WAPL: variants seen among roughly 807,000 people sequenced by gnomAD.
WAPL encodes the protein WAPL cohesin release factor.
In WAPL, 5 loss-of-function variants were observed where a neutral mutation model predicts 121.0. The ratio of observed to expected loss-of-function variants is 0.04; its 90% CI spans 0.02 to 0.09. WAPL has a LOEUF of 0.09. WAPL is among the 10% of genes least tolerant of loss of function. The pLI, the probability that WAPL is intolerant of heterozygous loss-of-function variation, is 1.00. For synonymous variants in WAPL, 480 were observed against 481.5 expected (o/e 1.00, Z 0.04); for missense variants, 999 against 1,410.8 (o/e 0.71, Z 4.68).
Position 86,517,956 on chromosome 10 carries a change from G to C in WAPL, c.114C>G (p.Thr38=). 6.2e-7 allele frequency: 1 copy of C among 1,614,136 alleles called. No individual in the cohort carries two copies. The highest frequency in any genetic ancestry group is 8.5e-7 in the Non-Finnish European group (1 of 1,180,024). Residue 38 remains threonine (T), a synonymous_variant, in exon 2 of 19, where the codon ACC becomes ACG. Coordinates refer to ENST00000298767, the MANE Select transcript of WAPL (RefSeq NM_015045.5). ...RTTLSTKWGE[T]TFMAKLGQKR... ...TCTGCCCTAATTTAGCCATAAATGT[G>C]GTCTCTCCCCATTTTGTGCTAAGGG...
At chr10:86,479,327 G>A (rs1301389424) in intron 4 of WAPL, among the ~76,000 whole-genome samples, 1 of 152,018 alleles carries the variant, frequency 6.6e-6, no homozygotes, top group Non-Finnish European at 1.5e-5. Flanking sequence ...GTGTGATTTC[G>A]GCTCACTGTA....
intron 4 of WAPL, among the ~76,000 whole-genome samples, chr10:86,483,215 G>GT (rs1261330531): frequency 1.3e-5 from 2 of 152,138 alleles, no homozygotes; most frequent in African/African-American, 4.8e-5. Context: ...GAGGTCGGGA[G>GT]TTTGAGACCA....
chr10:86,468,708 A>C (rs897043309), intron 8 of WAPL, among the ~76,000 whole-genome samples: 20 of 152,082 alleles, frequency 1.3e-4, no homozygotes, highest in Non-Finnish European at 2.5e-4. Flanking sequence ...TCACACCTGT[A>C]ATCCCAGCAC....
chr10:86,454,527 G>A (rs907968313), intron 12 of WAPL, among the ~76,000 whole-genome samples: 4 of 152,206 alleles, frequency 2.6e-5, no homozygotes, highest in African/African-American at 7.2e-5. Flanking sequence ...GCAGGCGGGC[G>A]CCGCCACACC....
chr10:86,516,632 T>C (rs529846062), intron 2 of WAPL, among the ~76,000 whole-genome samples: 3 of 152,272 alleles, frequency 2.0e-5, no homozygotes, highest in Non-Finnish European at 4.4e-5. Context: ...ACCCTCAATA[T>C]TAGCTCTTCA....
chr10:86,516,547 A>T (rs1444376649), intron 2 of WAPL, among the ~76,000 whole-genome samples: 3 of 152,060 alleles, frequency 2.0e-5, no homozygotes, highest in Non-Finnish European at 4.4e-5. Context: ...GTTTCTTTTC[A>T]ATTACAGTAT....
Position 86,521,476 on chromosome 10 carries a change from G to A in WAPL, c.-134C>T, listed in dbSNP as rs1261746263. The A allele has an allele frequency of 3.0e-6, 1 of 331,128 alleles. No homozygotes were observed. The highest frequency in any genetic ancestry group is 2.3e-5 in the African/African-American group (1 of 42,576). The allele number at this position is 331,128 out of a possible 1,614,324, so 20.5% of individuals were successfully genotyped here. A position where few individuals can be genotyped will look rare whatever the true frequency, so the allele number is the denominator to read the frequency against. On this transcript the variant is annotated 5_prime_UTR_variant, in exon 1 of 19. Coordinates refer to ENST00000298767, the MANE Select transcript of WAPL (RefSeq NM_015045.5). ...GCGGGAGAGCAGGGCCGGCAGGTGAGAGCCGAGAGAGGCGAGGGACTCTGC... is the reference window on the plus strand; with the variant it reads ...GCGGGAGAGCAGGGCCGGCAGGTGAAAGCCGAGAGAGGCGAGGGACTCTGC...
intron 16 of WAPL, chr10:86,444,146 C>G (rs2132165783): frequency 6.6e-6 from 1 of 152,292 alleles, no homozygotes; most frequent in Non-Finnish European, 1.5e-5. Flanking sequence ...CAGGGAACTG[C>G]AAATCAAACC....
intron 2 of WAPL, among the ~76,000 whole-genome samples, chr10:86,511,327 TG>T (rs2132230983): frequency 6.6e-6 from 1 of 152,296 alleles, no homozygotes; most frequent in South Asian, 2.1e-4. Flanking sequence ...GAAAATTACT[TG>T]AACAGAGACA....
chr10:86,513,390 G>A (rs1297610784), intron 2 of WAPL, among the ~76,000 whole-genome samples: 28 of 151,908 alleles, frequency 1.8e-4, no homozygotes, highest in African/African-American at 3.4e-4. Context: ...GCTGGAGTGC[G>A]GTGGCATAAT....
chr10:86,461,404 A>C (rs1006052077), intron 9 of WAPL, 117 bp from the exon 10 acceptor site: 5 of 703,020 alleles, frequency 7.1e-6, no homozygotes, highest in Non-Finnish European at 1.2e-5. Context: ...TTTTATACAT[A>C]AAATTGAACT....
At chr10:86,437,867 T>C in intron 18 of WAPL, 53 bp downstream of exon 18, 1 of 1,354,566 alleles carries the variant, frequency 7.4e-7, no homozygotes, top group South Asian at 1.2e-5. Flanking sequence ...TTATGTCTAC[T>C]GTCAATGTAT....
Position 86,479,364 on chromosome 10 carries a change from T to C in WAPL, c.1645-5391A>G, listed in dbSNP as rs1334385638. On this transcript the variant is annotated intron_variant, in intron 4 of 18. Transcript: ENST00000298767. ...CCTGCGCCTCCCGGGTTCAAGCGAT[T>C]CTCCTGCCTCAGCCTCCCGAGTAGC... 2.0e-5 allele frequency among the ~76,000 whole-genome samples: 3 copies of C among 152,252 alleles called. No homozygotes were observed. The East Asian group carries it at 5.8e-4, about 30-fold the overall frequency.
At chr10:86,478,424 C>T (rs990030693) in intron 4 of WAPL, among the ~76,000 whole-genome samples, 2 of 151,532 alleles carry the variant, frequency 1.3e-5, no homozygotes, top group African/African-American at 4.8e-5. Context: ...AGAGCGAGAT[C>T]CTGTCTCCAA....
At chr10:86,475,892 T>C (rs773408134) in intron 4 of WAPL, among the ~76,000 whole-genome samples, 4 of 152,188 alleles carry the variant, frequency 2.6e-5, no homozygotes, top group South Asian at 2.1e-4. Context: ...TTAAAAAGCA[T>C]TGATTGGGCT....
chr10:86,484,992 A>AAC lies in WAPL; in HGVS notation c.1645-11021_1645-11020dup, dbSNP rs972218014. Among the ~76,000 whole-genome samples, 6 of 151,824 alleles carry AAC rather than the reference A, an allele frequency of 4.0e-5. No individual in the cohort carries two copies. In the East Asian group the frequency reaches 7.8e-4, roughly 20 times the overall value. Reference sequence around the variant, plus strand: ...TGAAATTCCAAACTATAAACACCCTAACACACACACAGGCACACACGCATG... The same window carrying AAC: ...TGAAATTCCAAACTATAAACACCCTAACACACACACACAGGCACACACGCATG... On this transcript the variant is annotated intron_variant, in intron 4 of 18. Transcript: ENST00000298767.
chr10:86,506,501 G>A (rs776986973), intron 2 of WAPL, among the ~76,000 whole-genome samples: 1 of 152,210 alleles, frequency 6.6e-6, no homozygotes, highest in Admixed American at 6.5e-5. Flanking sequence ...TTGGCCACGT[G>A]TGGTGGCTCA....
intron 2 of WAPL, among the ~76,000 whole-genome samples, chr10:86,505,732 T>C (rs1471957031): frequency 6.6e-6 from 1 of 152,148 alleles, no homozygotes; most frequent in Non-Finnish European, 1.5e-5. Context: ...ACATAAATAC[T>C]ATAATCATTA....
chr10:86,521,119 G>A (rs980480064), intron 1 of WAPL, among the ~76,000 whole-genome samples: 2 of 152,214 alleles, frequency 1.3e-5, no homozygotes, highest in African/African-American at 4.8e-5. Flanking sequence ...GAAAGGACTC[G>A]GGGCTGAAAT....
Sources: gnomAD v4.1 joint callset for allele counts (sites outside exome capture counted in the v4.1 genomes callset) on GRCh38, gnomAD v4.1.1 for gene constraint, MANE v1.5 for transcripts, NCBI Gene and HGNC (gene_info 2026-07-23, HGNC 2026-07-21) for gene names.